The following BRD10 variants were observed in gnomAD, a reference collection of about 807,000 sequenced individuals.
BRD10 encodes bromodomain containing 10.
At chr9:5,955,810 C>T in the BRD10 span, among the ~76,000 whole-genome samples, 1 of 152,160 alleles carries the variant, frequency 6.6e-6, no homozygotes, top group African/African-American at 2.4e-5. Context: ...TATACTCCTA[C>T]AAAGATAGGT....
chr9:5,935,544 T>C, the BRD10 span, among the ~76,000 whole-genome samples: 117 of 152,322 alleles, frequency 7.7e-4, 1 homozygote, highest in Admixed American at 6.9e-3. Flanking sequence ...TGGTTGAGTA[T>C]CTGAATTTGA....
At chr9:5,968,895 C>T in the BRD10 span, 1 of 1,612,922 alleles carries the variant, frequency 6.2e-7, no homozygotes, top group Non-Finnish European at 8.5e-7. Context: ...AGTACAGCAT[C>T]TTGAACTTCC....
At chr9:5,974,212 A>T in the BRD10 span, among the ~76,000 whole-genome samples, 2 of 152,206 alleles carry the variant, frequency 1.3e-5, no homozygotes, top group Non-Finnish European at 2.9e-5. Context: ...AATAAACCAG[A>T]AACAACAGAA....
At chr9:5,967,675 A>G in the BRD10 span, among the ~76,000 whole-genome samples, 1 of 135,776 alleles carries the variant, frequency 7.4e-6, no homozygotes, top group Non-Finnish European at 1.5e-5. Flanking sequence ...TTCCTACTAC[A>G]CTGTACTGCC....
the BRD10 span, chr9:5,922,074 A>G: frequency 6.2e-7 from 1 of 1,614,046 alleles, no homozygotes; most frequent in South Asian, 1.1e-5. Context: ...ACTGAACTTG[A>G]AGATACAGTA....
the BRD10 span, chr9:5,922,806 T>C: frequency 2.5e-6 from 4 of 1,613,870 alleles, no homozygotes; most frequent in Non-Finnish European, 2.5e-6. Flanking sequence ...TTGTATACCA[T>C]TTGTAAAGGA....
the BRD10 span, chr9:6,008,267 C>T: frequency 1.0e-6 from 1 of 983,804 alleles, no homozygotes; most frequent in Non-Finnish European, 1.2e-6. Context: ...ACACCCCCTC[C>T]CGCCCCCCTC....
the BRD10 span, chr9:6,008,268 C>G: frequency 1.1e-5 from 11 of 983,734 alleles, no homozygotes; most frequent in Non-Finnish European, 1.3e-5. Flanking sequence ...CACCCCCTCC[C>G]GCCCCCCTCT....
the BRD10 span, among the ~76,000 whole-genome samples, chr9:5,955,242 G>A: frequency 1.3e-5 from 2 of 151,444 alleles, no homozygotes; most frequent in African/African-American, 4.9e-5. Context: ...GGGACAACAA[G>A]GAAGTAAAAA....
At chr9:5,933,026 G>A in the BRD10 span, among the ~76,000 whole-genome samples, 1 of 152,116 alleles carries the variant, frequency 6.6e-6, no homozygotes, top group Non-Finnish European at 1.5e-5. Flanking sequence ...ATAAAAATCA[G>A]AAAGGTTCTT....
the BRD10 span, among the ~76,000 whole-genome samples, chr9:5,999,191 AT>A: frequency 1.3e-5 from 2 of 151,974 alleles, no homozygotes; most frequent in African/African-American, 4.8e-5. Context: ...TATTTAACAT[AT>A]TTTTTTCCCT....
At chr9:5,888,323 T>C in the BRD10 span, among the ~76,000 whole-genome samples, 172 of 152,306 alleles carry the variant, frequency 1.1e-3, 1 homozygote, top group African/African-American at 4.0e-3. Flanking sequence ...GTAACTGTGA[T>C]TTTTGCACTG....
the BRD10 span, among the ~76,000 whole-genome samples, chr9:5,929,364 C>T: frequency 6.6e-6 from 1 of 152,006 alleles, no homozygotes; most frequent in African/African-American, 2.4e-5. Flanking sequence ...AAATCTGAAA[C>T]CTGTTTCATC....
At chr9:6,007,306 A>C in the BRD10 span, 1 of 1,613,826 alleles carries the variant, frequency 6.2e-7, no homozygotes, top group Non-Finnish European at 8.5e-7. Flanking sequence ...CATCAACCTG[A>C]AGTCCGCCAC....
the BRD10 span, among the ~76,000 whole-genome samples, chr9:5,942,344 C>G: frequency 1.1e-4 from 16 of 152,110 alleles, no homozygotes; most frequent in Admixed American, 5.9e-4. Flanking sequence ...TTTCAGTTAT[C>G]TAGAAATTCA....
chr9:5,925,102 T>C, the BRD10 span, among the ~76,000 whole-genome samples: 1 of 152,126 alleles, frequency 6.6e-6, no homozygotes, highest in African/African-American at 2.4e-5. Context: ...CTCATGCCTA[T>C]AATCCCAGCA....
At chr9:5,892,663 C>A in the BRD10 span, 1 of 776,886 alleles carries the variant, frequency 1.3e-6, no homozygotes, top group Non-Finnish European at 2.0e-6. Context: ...TTTATCTCCC[C>A]AGACAGTAAC....
chr9:6,000,595 G>C, the BRD10 span, among the ~76,000 whole-genome samples: 3 of 152,060 alleles, frequency 2.0e-5, no homozygotes, highest in African/African-American at 7.2e-5. Flanking sequence ...GAATCTGTTA[G>C]GACATTTTTA....
At chr9:5,909,290 C>T in the BRD10 span, 3,616 of 152,716 alleles carry the variant, frequency 0.024, 59 homozygotes, top group Admixed American at 0.041. Flanking sequence ...TGGAGTTTCG[C>T]TTTTGTTGCC....
Sources: allele counts gnomAD v4.1 joint callset (sites outside exome capture counted in the v4.1 genomes callset), GRCh38; gene constraint gnomAD v4.1.1; transcripts MANE v1.5; gene names NCBI Gene and HGNC (gene_info 2026-07-23, HGNC 2026-07-21).